DENR: variants seen among roughly 807,000 people sequenced by gnomAD.
The protein encoded by DENR is density-regulated protein.
DENR carries 6 observed loss-of-function variants against 30.6 expected under a neutral mutation model. That is an observed-to-expected ratio of 0.20 (90% confidence interval 0.11 to 0.39). The LOEUF (loss-of-function observed/expected upper bound fraction) is 0.39, where lower values mean the gene tolerates loss of function less well. DENR is among the 10% of genes least tolerant of loss of function. The probability of loss-of-function intolerance (pLI) is 1.00; values close to 1 mark genes in which losing one functional copy is unlikely to be tolerated. For missense variants in DENR, 141 were observed against 230.9 expected, an observed-to-expected ratio of 0.61 and a Z score of 2.52; for synonymous variants, 78 against 72.1, an observed-to-expected ratio of 1.08 and a Z score of -0.41.
chr12:122,770,594 A>G lies in DENR; in HGVS notation c.*1516A>G. ...ATGTCTTCTCACAAGAGAAAATGAC[A>G]GTTTTAATGATGTATTTGATGAATT... On this transcript the variant is annotated 3_prime_UTR_variant, in exon 8 of 8. Transcript: ENST00000280557. The G allele has an allele frequency of 2.5e-6, 1 of 398,520 alleles. No individual in the cohort carries two copies. Among genetic ancestry groups the G allele is most frequent in the East Asian group, 3.6e-5 (1 of 28,042 alleles). 24.7% of individuals were successfully genotyped at this position (398,520 alleles called of 1,614,324 possible).
In DENR at chr12:122,753,783, C is replaced by A; in HGVS notation, c.82C>A (p.Pro28Thr). 1.2e-6 allele frequency: 2 copies of A among 1,613,870 alleles called. No homozygotes were observed. The highest frequency in any genetic ancestry group is 1.7e-6 in the Non-Finnish European group (2 of 1,179,824). Residue 28 changes from proline to threonine, a missense_variant, in exon 2 of 8, where the codon CCA (proline) becomes ACA (threonine). Pro to Thr is a conservative substitution (Grantham distance 38, BLOSUM62 -1). Coordinates refer to ENST00000280557, the MANE Select transcript of DENR (RefSeq NM_003677.5). ...RNSAKLDADY[P>T]LRVLYCGVCS... ...CAGTGCCAAGTTAGATGCCGATTAC[C>A]CACTTCGAGTCCTTTATTGTGGAGG... is the stretch of plus-strand genomic sequence containing the variant.
chr12:122,759,207 A>C (rs945372884), intron 2 of DENR, among the ~76,000 whole-genome samples: 11 of 152,212 alleles, frequency 7.2e-5, no homozygotes, highest in Non-Finnish European at 1.5e-5. Flanking sequence ...ATGATGTTTC[A>C]TTCATCATGT....
intron 2 of DENR, among the ~76,000 whole-genome samples, chr12:122,759,284 G>A (rs1318682523): frequency 2.0e-5 from 3 of 152,160 alleles, no homozygotes; most frequent in Admixed American, 1.3e-4. Flanking sequence ...TGAAGGTGAC[G>A]GCTAAATGTT....
At chr12:122,760,937 G>GAT (rs906024173) in intron 2 of DENR, among the ~76,000 whole-genome samples, 2 of 152,056 alleles carry the variant, frequency 1.3e-5, no homozygotes, top group African/African-American at 4.8e-5. Flanking sequence ...AACATAGCGA[G>GAT]ATCCCGTCTC....
Position 122,762,883 on chromosome 12 carries a change from A to G in DENR, c.165A>G (p.Gln55=). Residue 55 remains glutamine, a synonymous_variant, in exon 4 of 8, where the codon CAA becomes CAG. Transcript: ENST00000280557. ...EYMPDVAKCR[Q]WLEKNFPNEF... ...TGCCTGATGTTGCTAAATGTAGACA[A>G]TGGTTAGAGAAGAATTTTCCAAATG... 6.5e-7 allele frequency: 1 copy of G among 1,550,046 alleles called. No homozygotes were observed. Among genetic ancestry groups the G allele is most frequent in the Middle Eastern group, 1.7e-4 (1 of 5,912 alleles).
intron 2 of DENR, among the ~76,000 whole-genome samples, chr12:122,758,679 G>A (rs1878614075): frequency 6.6e-6 from 1 of 152,058 alleles, no homozygotes; most frequent in Admixed American, 6.6e-5. Context: ...GGTGGCAAGT[G>A]CCTGTAGTTC....
intron 4 of DENR, among the ~76,000 whole-genome samples, chr12:122,763,638 T>A (rs1165566229): frequency 1.3e-5 from 2 of 152,026 alleles, no homozygotes; most frequent in Admixed American, 1.3e-4. Context: ...GAGGCAGAGG[T>A]TGCAGTGAGC....
chr12:122,769,091 G>A lies in DENR; in HGVS notation c.*13G>A. The A allele has an allele frequency of 1.9e-6, 3 of 1,606,430 alleles. No homozygotes were observed. Among genetic ancestry groups the A allele is most frequent in the Non-Finnish European group, 2.5e-6 (3 of 1,177,450 alleles). ...AGTAAAGAAGTGAATTTGAAAATTT[G>A]TCTGTATTTAATGGCCTGAACTGAG... On this transcript the variant is annotated 3_prime_UTR_variant, in exon 8 of 8. Transcript: ENST00000280557.
At position 122,770,053 on chromosome 12, in the gene DENR, A is replaced by G. The variant is rs1479003666; in HGVS notation, c.*975A>G. On this transcript the variant is annotated 3_prime_UTR_variant, in exon 8 of 8. Coordinates refer to ENST00000280557, the MANE Select transcript of DENR (RefSeq NM_003677.5). ...TTATGAAGTCCACCCTGTGGGCACAATAACATAACTGTTGGTAGGAGTTGT... is the reference window on the plus strand; with the variant it reads ...TTATGAAGTCCACCCTGTGGGCACAGTAACATAACTGTTGGTAGGAGTTGT... The G allele has an allele frequency of 6.6e-6, 1 of 152,640 alleles. No individual in the cohort carries two copies. 9.5% of individuals were successfully genotyped at this position (152,640 alleles called of 1,614,324 possible).
At chr12:122,762,995 C>A in intron 4 of DENR, 66 bp downstream of exon 4, 1 of 897,788 alleles carries the variant, frequency 1.1e-6, no homozygotes, top group South Asian at 1.6e-5. Context: ...TGGCATTATT[C>A]TAAAGATAGG....
intron 6 of DENR, among the ~76,000 whole-genome samples, chr12:122,768,408 G>A (rs1234685243): frequency 6.6e-6 from 1 of 152,110 alleles, no homozygotes; most frequent in Non-Finnish European, 1.5e-5. Context: ...TGAGTCAGGA[G>A]AATCGCTTGA....
intron 3 of DENR, 147 bp from the exon 4 acceptor site, chr12:122,762,698 A>G: frequency 1.6e-6 from 1 of 627,818 alleles, no homozygotes; most frequent in East Asian, 3.0e-5. Flanking sequence ...ATCGTGGTTG[A>G]ATACAGATTT....
intron 2 of DENR, 181 bp downstream of exon 2, chr12:122,753,988 G>C: frequency 1.6e-6 from 1 of 622,936 alleles, no homozygotes; most frequent in Non-Finnish European, 2.9e-6. Flanking sequence ...TGGGTGATTT[G>C]TGTCTGGCTA....
intron 2 of DENR, among the ~76,000 whole-genome samples, chr12:122,757,511 A>G (rs1448653187): frequency 6.6e-6 from 1 of 152,234 alleles, no homozygotes; most frequent in Non-Finnish European, 1.5e-5. Context: ...TTATGTTTGT[A>G]TATTTAATCT....
chr12:122,753,608 G>T (rs1369149368), intron 1 of DENR, 85 bp from the exon 2 acceptor site: 2 of 979,828 alleles, frequency 2.0e-6, no homozygotes, highest in Non-Finnish European at 3.2e-6. Flanking sequence ...GCTTTGGGGT[G>T]GGGAGGTTTC....
At chr12:122,758,780 G>T (rs1878616674) in intron 2 of DENR, among the ~76,000 whole-genome samples, 1 of 151,990 alleles carries the variant, frequency 6.6e-6, no homozygotes. Context: ...CTATAGCCTG[G>T]GTGACAAAGT....
chr12:122,761,901 T>C (rs563133653), intron 2 of DENR, among the ~76,000 whole-genome samples: 3 of 152,300 alleles, frequency 2.0e-5, no homozygotes, highest in Non-Finnish European at 4.4e-5. Flanking sequence ...CCCACTGAAA[T>C]GGTTATGGTA....
At position 122,769,309 on chromosome 12, in the gene DENR, C is replaced by CATATATGTATACATATCTACACAT. The variant is rs34625739; in HGVS notation, c.*235_*236insATGTATACATATCTACACATATAT. 1 of 737,790 alleles carries CATATATGTATACATATCTACACAT rather than the reference C, an allele frequency of 1.4e-6. No homozygotes were observed. The highest frequency in any genetic ancestry group is 1.6e-6 in the Non-Finnish European group (1 of 607,018). The allele number at this position is 737,790 out of a possible 1,614,324, so 45.7% of individuals were successfully genotyped here. On this transcript the variant is annotated 3_prime_UTR_variant, in exon 8 of 8. Coordinates refer to ENST00000280557, the MANE Select transcript of DENR (RefSeq NM_003677.5). Reference sequence around the variant, plus strand: ...ACACATATATGTATACATATATACACATATGTATACATATATATATATTCT... The same window carrying CATATATGTATACATATCTACACAT: ...ACACATATATGTATACATATATACACATATATGTATACATATCTACACATATATGTATACATATATATATATTCT...
Position 122,753,818 on chromosome 12 carries a change from G to A in DENR, c.106+11G>A. Reference sequence around the variant, plus strand: ...TCCTTTATTGTGGAGGCAAGTGTTGGTAGCCACAGAATGACTTTTACTCAC... The same window carrying A: ...TCCTTTATTGTGGAGGCAAGTGTTGATAGCCACAGAATGACTTTTACTCAC... On this transcript the variant is annotated intron_variant, in intron 2 of 7. Transcript: ENST00000280557. 2 of 1,599,578 alleles carry A rather than the reference G, an allele frequency of 1.3e-6. No homozygotes were observed. Among genetic ancestry groups the A allele is most frequent in the Non-Finnish European group, 1.7e-6 (2 of 1,167,596 alleles).
Sources: gnomAD v4.1 joint callset for allele counts (sites outside exome capture counted in the v4.1 genomes callset) on GRCh38, gnomAD v4.1.1 for gene constraint, MANE v1.5 for transcripts, NCBI Gene and HGNC (gene_info 2026-07-23, HGNC 2026-07-21) for gene names.